ADGRV1: variants seen among roughly 807,000 people sequenced by gnomAD.
The protein encoded by ADGRV1 is adhesion G protein-coupled receptor V1.
ADGRV1 carries 359 observed loss-of-function variants against 596.2 expected under a neutral mutation model. The observed-to-expected ratio is 0.60, with a 90% CI of 0.55 to 0.66. ADGRV1 has a LOEUF of 0.66. ADGRV1 is among the 30% of genes least tolerant of loss of function. ADGRV1 has a pLI of 0.00. For synonymous variants in ADGRV1, 2,681 were observed against 2,679.2 expected, an observed-to-expected ratio of 1.00 and a Z score of -0.02; for missense variants, 7,274 against 7,575.6, an observed-to-expected ratio of 0.96 and a Z score of 1.48.
At chr5:90,735,370 C>A (rs1182384301) in intron 50 of ADGRV1, among the ~76,000 whole-genome samples, 1 of 152,170 alleles carries the variant, frequency 6.6e-6, no homozygotes, top group African/African-American at 2.4e-5. Context: ...CCCATTTGAT[C>A]AGTCAGTCTG....
At chr5:90,930,778 G>A (rs757815425) in intron 83 of ADGRV1, among the ~76,000 whole-genome samples, 5 of 152,056 alleles carry the variant, frequency 3.3e-5, no homozygotes, top group Non-Finnish European at 7.4e-5. Flanking sequence ...TTTCATGTTC[G>A]GTAACAATAA....
intron 45 of ADGRV1, among the ~76,000 whole-genome samples, chr5:90,721,525 A>AAAATT (rs57822565): frequency 0.037 from 2,979 of 80,408 alleles, 234 homozygotes; most frequent in African/African-American, 0.1. Context: ...AAAATAAAAT[A>AAAATT]AAAATAAAAA....
At chr5:91,111,683 G>A (rs1330842241) in intron 87 of ADGRV1, among the ~76,000 whole-genome samples, 1 of 152,116 alleles carries the variant, frequency 6.6e-6, no homozygotes, top group Admixed American at 6.6e-5. Context: ...GTTTCCATTG[G>A]AGACTAGCAC....
intron 21 of ADGRV1, among the ~76,000 whole-genome samples, chr5:90,668,729 C>T (rs1319066914): frequency 6.6e-6 from 1 of 152,000 alleles, no homozygotes; most frequent in Non-Finnish European, 1.5e-5. Context: ...ATTAAATTTT[C>T]TATAAAGTGT....
intron 86 of ADGRV1, among the ~76,000 whole-genome samples, chr5:91,101,797 A>ACACACACG (rs1018590378): frequency 1.3e-5 from 2 of 152,098 alleles, no homozygotes; most frequent in Non-Finnish European, 2.9e-5. Context: ...ATGCACACAC[A>ACACACACG]CACACACGCA....
rs970955155 is a variant in ADGRV1 at position 90,791,137 on chromosome 5, C to T, written c.14308C>T (p.Arg4770Cys). Residue 4770 changes from arginine (R) to cysteine (C), a missense_variant, in exon 70 of 90, where the codon CGC becomes TGC. By Grantham distance (180) the Arg-to-Cys change is radical. Coordinates refer to ENST00000405460, the MANE Select transcript of ADGRV1 (RefSeq NM_032119.4). ...PHGVFALYSD[R>C]QSILIGQNLI... ...TGGAGTATTTGCCCTGTATTCGGAT[C>T]GCCAGTCAATACTTATTGGGCAGAA... 6.2e-6 allele frequency: 10 copies of T among 1,613,770 alleles called. No individual in the cohort carries two copies. The highest frequency in any genetic ancestry group is 5.0e-5 in the Admixed American group (3 of 59,978).
At chr5:90,740,778 A>T (rs1224730273) in intron 50 of ADGRV1, among the ~76,000 whole-genome samples, 1 of 152,134 alleles carries the variant, frequency 6.6e-6, no homozygotes, top group Non-Finnish European at 1.5e-5. Context: ...GGGAAGCTGA[A>T]TGTCTGCCTC....
chr5:91,138,516 A>G (rs1582176497), intron 87 of ADGRV1, among the ~76,000 whole-genome samples: 1 of 152,188 alleles, frequency 6.6e-6, no homozygotes, highest in Admixed American at 6.5e-5. Flanking sequence ...TGTTTCACTG[A>G]TAAGAAAATA....
chr5:90,967,074 C>G (rs1778537235), intron 84 of ADGRV1, among the ~76,000 whole-genome samples: 1 of 152,078 alleles, frequency 6.6e-6, no homozygotes, highest in African/African-American at 2.4e-5. Context: ...ACATACCACA[C>G]AGGCTCAAGG....
intron 85 of ADGRV1, among the ~76,000 whole-genome samples, chr5:90,987,134 A>G (rs1357077960): frequency 6.6e-6 from 1 of 152,190 alleles, no homozygotes; most frequent in East Asian, 1.9e-4. Flanking sequence ...CTAAATTATA[A>G]TAAGTGAAAT....
chr5:90,597,554 T>A (rs992865143), intron 1 of ADGRV1, among the ~76,000 whole-genome samples: 4 of 152,148 alleles, frequency 2.6e-5, no homozygotes, highest in Non-Finnish European at 5.9e-5. Flanking sequence ...CTGGGAGACT[T>A]TTACAGGGAC....
At position 90,617,863 on chromosome 5, in the gene ADGRV1, C is replaced by T. The variant is rs759771981; in HGVS notation, c.267C>T (p.Ala89=). 2.9e-5 allele frequency: 47 copies of T among 1,599,596 alleles called. No individual in the cohort carries two copies. Among genetic ancestry groups the T allele is most frequent in the Admixed American group, 1.6e-4 (9 of 58,050 alleles). Residue 89 remains alanine, a synonymous_variant, in exon 3 of 90, where the codon GCC becomes GCT. Coordinates refer to ENST00000405460, the MANE Select transcript of ADGRV1 (RefSeq NM_032119.4). The part of the protein sequence containing the change: ...FDTYAAAFIP[A]GETNRTVYIA... ...CATATGCTGCAGCTTTTATACCTGC[C>T]GGAGAAACAAACAGAACAGTGTACA...
chr5:90,704,689 A>G (rs937875627), intron 36 of ADGRV1, among the ~76,000 whole-genome samples: 1 of 152,194 alleles, frequency 6.6e-6, no homozygotes, highest in African/African-American at 2.4e-5. Context: ...AGAAGCCCTG[A>G]AACGTTTTGC....
intron 85 of ADGRV1, among the ~76,000 whole-genome samples, chr5:91,034,948 T>A (rs1784746985): frequency 6.6e-6 from 1 of 152,164 alleles, no homozygotes; most frequent in South Asian, 2.1e-4. Flanking sequence ...TTTTGTTATT[T>A]TTTTGTAGAG....
At chr5:90,881,787 T>C (rs1769805320) in intron 83 of ADGRV1, among the ~76,000 whole-genome samples, 1 of 152,150 alleles carries the variant, frequency 6.6e-6, no homozygotes, top group South Asian at 2.1e-4. Flanking sequence ...TGCAGTGGTA[T>C]GATCATAGAT....
At chr5:90,947,332 G>T (rs200689120) in intron 83 of ADGRV1, among the ~76,000 whole-genome samples, 21 of 151,738 alleles carry the variant, frequency 1.4e-4, no homozygotes, top group South Asian at 2.1e-4. Context: ...TTTTAATGGG[G>T]TTTTTTTTCT....
intron 37 of ADGRV1, among the ~76,000 whole-genome samples, chr5:90,705,969 A>G (rs899252719): frequency 2.0e-5 from 3 of 152,186 alleles, no homozygotes; most frequent in Non-Finnish European, 4.4e-5. Context: ...CCAGCACATC[A>G]TCATTTTTAC....
chr5:91,048,821 A>G (rs1469821063), intron 85 of ADGRV1, among the ~76,000 whole-genome samples: 2 of 152,134 alleles, frequency 1.3e-5, no homozygotes, highest in African/African-American at 4.8e-5. Context: ...AGATCTATCA[A>G]TTTTTGTAAA....
At chr5:90,878,600 GA>G (rs1246684918) in intron 83 of ADGRV1, among the ~76,000 whole-genome samples, 1 of 152,146 alleles carries the variant, frequency 6.6e-6, no homozygotes, top group East Asian at 1.9e-4. Context: ...AGGTAATTAT[GA>G]AAAGTCAAAG....
Sources: gnomAD v4.1 joint callset for allele counts (sites outside exome capture counted in the v4.1 genomes callset) on GRCh38, gnomAD v4.1.1 for gene constraint, MANE v1.5 for transcripts, NCBI Gene and HGNC (gene_info 2026-07-23, HGNC 2026-07-21) for gene names.